TENM3: variants seen among roughly 807,000 people sequenced by gnomAD.
The protein encoded by TENM3 is teneurin transmembrane protein 3.
In TENM3, 63 loss-of-function variants were observed where a neutral mutation model predicts 255.1. The observed-to-expected ratio is 0.25, with a 90% CI of 0.20 to 0.30. The LOEUF (loss-of-function observed/expected upper bound fraction) is 0.30. Among genes scored for constraint, TENM3 ranks in the 10% least tolerant of loss-of-function variants. TENM3 has a pLI of 1.00. For missense variants in TENM3, 2,929 were observed against 3,461.1 expected, an observed-to-expected ratio of 0.85 and a Z score of 3.86; for synonymous variants, 1,306 against 1,322.3, an observed-to-expected ratio of 0.99 and a Z score of 0.27.
At chr4:181,525,405 A>C in the TENM3 span, among the ~76,000 whole-genome samples, 1 of 149,424 alleles carries the variant, frequency 6.7e-6, no homozygotes, top group Non-Finnish European at 1.5e-5. Flanking sequence ...TCAAAAAAAA[A>C]AAAAAAAAAA....
chr4:181,819,490 C>T, the TENM3 span, among the ~76,000 whole-genome samples: 1 of 152,146 alleles, frequency 6.6e-6, no homozygotes, highest in Non-Finnish European at 1.5e-5. Flanking sequence ...ATCTCATTGA[C>T]ATGCCATCGG....
chr4:181,661,789 A>T, the TENM3 span, among the ~76,000 whole-genome samples: 1 of 151,722 alleles, frequency 6.6e-6, no homozygotes, highest in African/African-American at 2.4e-5. Context: ...TTAATAAGTC[A>T]ATAAAACAGT....
At chr4:181,782,086 T>TG in the TENM3 span, among the ~76,000 whole-genome samples, 303 of 152,116 alleles carry the variant, frequency 2.0e-3, 1 homozygote, top group African/African-American at 6.3e-3. Context: ...TTCTTTTTTT[T>TG]TTGTTGTATC....
intron 3 of TENM3, among the ~76,000 whole-genome samples, chr4:182,435,960 A>T (rs1772011126): frequency 6.6e-6 from 1 of 152,044 alleles, no homozygotes; most frequent in Non-Finnish European, 1.5e-5. Context: ...AAGAAATGGC[A>T]TATTATAAAT....
intron 3 of TENM3, among the ~76,000 whole-genome samples, chr4:182,597,323 C>G (rs1747361301): frequency 6.6e-6 from 1 of 152,100 alleles, no homozygotes; most frequent in Non-Finnish European, 1.5e-5. Context: ...GCAGGAGGAT[C>G]ACTTGAGCAT....
chr4:181,884,782 T>C, the TENM3 span, among the ~76,000 whole-genome samples: 1 of 152,190 alleles, frequency 6.6e-6, no homozygotes, highest in African/African-American at 2.4e-5. Context: ...TGCCTATCTC[T>C]TAAAAAGCCC....
At chr4:181,453,382 G>C in the TENM3 span, among the ~76,000 whole-genome samples, 1 of 152,136 alleles carries the variant, frequency 6.6e-6, no homozygotes, top group Non-Finnish European at 1.5e-5. Context: ...TTTAGGTATG[G>C]ACATCCTGTT....
rs1414886623 is a variant in TENM3 at position 182,792,825 on chromosome 4, C to G, written c.6153C>G (p.Gly2051=). ...IDLYQFDDIS[G]KVEQFGKFGV... ...TGTATCAGTTTGATGACATTTCTGG[C>G]AAAGTTGAGCAGTTTGGAAAGTTTG... is the stretch of plus-strand genomic sequence containing the variant. Residue 2051 remains glycine (G), a synonymous_variant, in exon 26 of 28, where the codon GGC becomes GGG. Coordinates refer to ENST00000511685, the MANE Select transcript of TENM3 (RefSeq NM_001080477.4). The surrounding 1 kb of genome is among the most constrained non-coding windows in gnomAD (Gnocchi z 6.3). 5 of 1,613,762 alleles carry G rather than the reference C, an allele frequency of 3.1e-6. No homozygotes were observed. Among genetic ancestry groups the G allele is most frequent in the Admixed American group, 1.7e-5 (1 of 60,000 alleles).
chr4:181,505,199 G>A, the TENM3 span, among the ~76,000 whole-genome samples: 1 of 152,168 alleles, frequency 6.6e-6, no homozygotes, highest in African/African-American at 2.4e-5. Context: ...TCATCTGTGG[G>A]CTAATGGACA....
the TENM3 span, among the ~76,000 whole-genome samples, chr4:181,546,592 T>TA: frequency 2.1e-5 from 3 of 140,828 alleles, no homozygotes; most frequent in East Asian, 2.1e-4. Context: ...CGGACGCCTG[T>TA]AGTCCCAGCT....
chr4:181,904,073 G>A, the TENM3 span, among the ~76,000 whole-genome samples: 15 of 152,006 alleles, frequency 9.9e-5, no homozygotes, highest in African/African-American at 3.6e-4. Flanking sequence ...GTTGAAAACT[G>A]AGCTCTTGAT....
At chr4:181,504,874 T>C in the TENM3 span, among the ~76,000 whole-genome samples, 1 of 152,200 alleles carries the variant, frequency 6.6e-6, no homozygotes, top group African/African-American at 2.4e-5. Flanking sequence ...CAAAATCATA[T>C]TAATCCCTAA....
the TENM3 span, among the ~76,000 whole-genome samples, chr4:182,137,407 T>C: frequency 2.0e-5 from 3 of 152,050 alleles, no homozygotes; most frequent in African/African-American, 7.2e-5. Flanking sequence ...TGGGTGAAAT[T>C]ATCAGGCAAT....
chr4:181,655,108 C>T, the TENM3 span, among the ~76,000 whole-genome samples: 4 of 152,150 alleles, frequency 2.6e-5, no homozygotes, highest in African/African-American at 4.8e-5. Flanking sequence ...AATCATGGGA[C>T]GAGCTATTGC....
At chr4:181,756,360 G>A in the TENM3 span, among the ~76,000 whole-genome samples, 1 of 152,094 alleles carries the variant, frequency 6.6e-6, no homozygotes, top group Admixed American at 6.6e-5. Flanking sequence ...CAGTATTATT[G>A]TTTTGATAAA....
intron 1 of TENM3, among the ~76,000 whole-genome samples, chr4:182,154,888 G>A (rs1242628221): frequency 3.3e-5 from 5 of 152,110 alleles, no homozygotes; most frequent in Admixed American, 6.6e-5. Context: ...AAAATGAAAG[G>A]ACATTATATT....
intron 1 of TENM3, among the ~76,000 whole-genome samples, chr4:182,189,019 T>A (rs1753342030): frequency 6.6e-6 from 1 of 152,252 alleles, no homozygotes; most frequent in Admixed American, 6.5e-5. Flanking sequence ...TTAAAAGCTG[T>A]AAGACTTTGG....
the TENM3 span, among the ~76,000 whole-genome samples, chr4:182,135,977 G>A: frequency 6.6e-6 from 1 of 152,110 alleles, no homozygotes. Flanking sequence ...TAAATTCAAG[G>A]AAATACCACA....
rs372948768 is a variant in TENM3, at chr4:182,703,800, A to G, written c.2222-10287A>G. ...TTTTCATACGTAAAAGTGTTAGTCT[A>G]TACATTTTTCTTAAATATTAAATGT... On this transcript the variant is annotated intron_variant, in intron 12 of 27. Coordinates refer to ENST00000511685, the MANE Select transcript of TENM3 (RefSeq NM_001080477.4). 1.2e-3 allele frequency among the ~76,000 whole-genome samples: 190 copies of G among 152,334 alleles called. 2 individuals carry two copies. Among genetic ancestry groups the G allele is most frequent in the African/African-American group, 3.8e-3 (159 of 41,568 alleles).
Sources: gnomAD v4.1 joint callset for allele counts (sites outside exome capture counted in the v4.1 genomes callset) on GRCh38, gnomAD v4.1.1 for gene constraint, Gnocchi (gnomAD v3.1) non-coding constraint, MANE v1.5 for transcripts, NCBI Gene and HGNC (gene_info 2026-07-23, HGNC 2026-07-21) for gene names.